The following CAST variants were observed in gnomAD, a reference collection of about 807,000 sequenced individuals.
CAST encodes the protein MIR583 host.
CAST carries 76 observed loss-of-function variants against 119.6 expected under a neutral mutation model. The observed-to-expected ratio is 0.64, with a 90% CI of 0.53 to 0.77. The LOEUF (loss-of-function observed/expected upper bound fraction) is 0.77, where lower values mean the gene tolerates loss of function less well. Among genes scored for constraint, CAST ranks in the 30% least tolerant of loss-of-function variants. The probability of loss-of-function intolerance (pLI) is 0.00; values close to 1 mark genes in which losing one functional copy is unlikely to be tolerated. For synonymous variants in CAST, 319 were observed against 331.6 expected (o/e 0.96, Z 0.41); for missense variants, 953 against 946.5 (o/e 1.01, Z -0.09).
the CAST span, among the ~76,000 whole-genome samples, chr5:96,195,053 G>A: frequency 7.3e-3 from 1,106 of 152,336 alleles, 19 homozygotes; most frequent in African/African-American, 0.026. Flanking sequence ...ATACACGAGA[G>A]GCTTTCATAT....
chr5:96,771,157 C>T (rs1179792672), intron 30 of CAST, among the ~76,000 whole-genome samples: 4 of 152,158 alleles, frequency 2.6e-5, no homozygotes, highest in Non-Finnish European at 5.9e-5. Flanking sequence ...ATATAGGAAA[C>T]AGCATTGATA....
upstream of CAST, among the ~76,000 whole-genome samples, chr5:96,659,483 C>T (rs1748213465): frequency 6.6e-6 from 1 of 152,120 alleles, no homozygotes; most frequent in Non-Finnish European, 1.5e-5. Flanking sequence ...AAATGATTAC[C>T]TATGTGCAGA....
chr5:96,223,894 G>C, the CAST span, among the ~76,000 whole-genome samples: 1 of 152,114 alleles, frequency 6.6e-6, no homozygotes, highest in African/African-American at 2.4e-5. Context: ...CATCTTCATG[G>C]AATTAACAAG....
chr5:96,204,259 C>G, the CAST span, among the ~76,000 whole-genome samples: 1 of 152,010 alleles, frequency 6.6e-6, no homozygotes, highest in Non-Finnish European at 1.5e-5. Flanking sequence ...CAGCACCAAG[C>G]AGGTGCTGGT....
chr5:96,288,722 C>T, the CAST span, among the ~76,000 whole-genome samples: 3 of 152,068 alleles, frequency 2.0e-5, no homozygotes, highest in Non-Finnish European at 4.4e-5. Flanking sequence ...AATTTTTTGG[C>T]TAATCCCATT....
chr5:96,402,303 T>C, the CAST span, among the ~76,000 whole-genome samples: 9 of 152,170 alleles, frequency 5.9e-5, no homozygotes, highest in Non-Finnish European at 8.8e-5. Context: ...GCAGACACAG[T>C]GTGCAGTTTG....
chr5:96,317,794 A>T, the CAST span, among the ~76,000 whole-genome samples: 9 of 152,164 alleles, frequency 5.9e-5, no homozygotes, highest in South Asian at 1.9e-3. Context: ...CCCTTGGAGG[A>T]TCTTATGGGT....
chr5:96,003,850 C>A, the CAST span, among the ~76,000 whole-genome samples: 1 of 152,128 alleles, frequency 6.6e-6, no homozygotes, highest in South Asian at 2.1e-4. Flanking sequence ...CAGATCTTGA[C>A]CCTGATAAAC....
chr5:96,525,216 T>A (rs1745578977), upstream of CAST: 1 of 152,208 alleles, frequency 6.6e-6, no homozygotes, highest in African/African-American at 2.4e-5. Flanking sequence ...ATTTTTTTGT[T>A]TGAGCTGAAT....
the CAST span, among the ~76,000 whole-genome samples, chr5:96,219,088 T>C: frequency 4.4e-4 from 67 of 152,320 alleles, 1 homozygote; most frequent in African/African-American, 1.6e-3. Flanking sequence ...TCAGTTAATG[T>C]GAGGTATTAT....
the CAST span, chr5:96,393,119 T>C: frequency 2.0e-5 from 32 of 1,614,028 alleles, no homozygotes; most frequent in Non-Finnish European, 2.6e-5. Flanking sequence ...GTCTTCAGAG[T>C]CTTTAAGCTG....
At chr5:96,734,756 C>T (rs1412284841) in intron 9 of CAST, among the ~76,000 whole-genome samples, 1 of 152,086 alleles carries the variant, frequency 6.6e-6, no homozygotes, top group Non-Finnish European at 1.5e-5. Flanking sequence ...CCCTGGGTAC[C>T]ATTGGCAGGA....
intron 2 of CAST, among the ~76,000 whole-genome samples, chr5:96,691,751 T>C (rs1227234767): frequency 6.6e-6 from 1 of 152,234 alleles, no homozygotes; most frequent in Non-Finnish European, 1.5e-5. Context: ...TAAGATCTCA[T>C]AGCTGGCATT....
chr5:95,997,980 T>C, the CAST span, among the ~76,000 whole-genome samples: 57 of 147,044 alleles, frequency 3.9e-4, no homozygotes, highest in Non-Finnish European at 7.5e-4. Flanking sequence ...TTTTTTTTTT[T>C]TTTTTTTCCT....
At chr5:96,531,343 C>T (rs1194361444) in intron 1 of CAST, among the ~76,000 whole-genome samples, 1 of 152,068 alleles carries the variant, frequency 6.6e-6, no homozygotes, top group Non-Finnish European at 1.5e-5. Flanking sequence ...AAGACTTGGG[C>T]TGGAAACAGG....
At chr5:96,341,331 C>G in the CAST span, among the ~76,000 whole-genome samples, 1 of 148,434 alleles carries the variant, frequency 6.7e-6, no homozygotes, top group East Asian at 2.0e-4. Context: ...CCCATCCCCC[C>G]ACCCTCCACC....
At chr5:96,290,582 CCT>C in the CAST span, among the ~76,000 whole-genome samples, 77 of 152,160 alleles carry the variant, frequency 5.1e-4, no homozygotes, top group African/African-American at 1.8e-3. Context: ...CATCTGATGC[CCT>C]GTCTTTGGGA....
chr5:96,517,006 C>T, the CAST span, among the ~76,000 whole-genome samples: 2 of 152,188 alleles, frequency 1.3e-5, no homozygotes, highest in African/African-American at 4.8e-5. Flanking sequence ...TCGATTTCCC[C>T]AGCTCTCTCC....
chr5:96,508,028 TTA>T, the CAST span, among the ~76,000 whole-genome samples: 2 of 146,546 alleles, frequency 1.4e-5, no homozygotes, highest in South Asian at 2.1e-4. Flanking sequence ...ATTATTATTA[TTA>T]TTTTATGTTA....
Sources: gnomAD v4.1 joint callset for allele counts (sites outside exome capture counted in the v4.1 genomes callset) on GRCh38, gnomAD v4.1.1 for gene constraint, MANE v1.5 for transcripts, NCBI Gene and HGNC (gene_info 2026-07-23, HGNC 2026-07-21) for gene names.